TFPT: variants seen among roughly 807,000 people sequenced by gnomAD.
TFPT encodes the protein TCF3 fusion partner.
A neutral mutation model predicts 28.8 loss-of-function variants in TFPT; 27 were observed. The ratio of observed to expected loss-of-function variants is 0.94; its 90% confidence interval spans 0.69 to 1.29. The LOEUF (loss-of-function observed/expected upper bound fraction) is 1.29, where lower values mean the gene tolerates loss of function less well. Among genes scored for constraint, TFPT ranks in the 50% most tolerant of loss-of-function variants. The pLI is 0.00. For missense variants in TFPT, 330 were observed against 338.0 expected (o/e 0.98, Z 0.19); for synonymous variants, 152 against 142.8 (o/e 1.06, Z -0.46).
At position 54,115,619 on chromosome 19, in the gene TFPT, C is replaced by A. The variant is rs45619231; in HGVS notation, c.-350G>T. ...GGGACGTGAGTCCCTTTCCTCCTCGCGGCTTACCGCCTCTCTCCGCCTAGT... is the reference window on the plus strand; with the variant it reads ...GGGACGTGAGTCCCTTTCCTCCTCGAGGCTTACCGCCTCTCTCCGCCTAGT... On this transcript the variant is annotated 5_prime_UTR_variant, in exon 1 of 6. Transcript: ENST00000391759. 2,036 of 428,626 alleles carry A rather than the reference C, an allele frequency of 4.8e-3. 7 individuals carry two copies. Among genetic ancestry groups the A allele is most frequent in the Non-Finnish European group, 6.9e-3 (1,647 of 237,800 alleles). 26.6% of individuals were successfully genotyped at this position (428,626 alleles called of 1,614,324 possible).
chr19:54,113,555 A>G (rs996971767), intron 2 of TFPT, among the ~76,000 whole-genome samples: 8 of 152,236 alleles, frequency 5.3e-5, no homozygotes, highest in African/African-American at 1.9e-4. Flanking sequence ...AGGCATCCAG[A>G]CCTGATGCTG....
In TFPT at chr19:54,108,835, C is replaced by T; in HGVS notation, c.354-440G>A. ...CTTCTCTTTTTTCCCCAGCCCCTGC[C>T]TCCAGAGTTCCTTAAGGTTCAATTG... On this transcript the variant is annotated intron_variant, in intron 3 of 5. Coordinates refer to ENST00000391759, the MANE Select transcript of TFPT (RefSeq NM_013342.4). The T allele has an allele frequency of 8.5e-6, 4 of 467,902 alleles. No individual in the cohort carries two copies. The South Asian group carries it at 1.0e-4, about 12-fold the overall frequency. 29.0% of individuals were successfully genotyped at this position (467,902 alleles called of 1,614,324 possible).
In TFPT at chr19:54,115,455, C is replaced by T; in HGVS notation, c.-186G>A. The T allele has an allele frequency of 1.4e-6, 1 of 709,848 alleles. No individual in the cohort carries two copies. Among genetic ancestry groups the T allele is most frequent in the South Asian group, 1.8e-5 (1 of 56,796 alleles). The allele number at this position is 709,848 out of a possible 1,614,324, so 44.0% of individuals were successfully genotyped here. A position where few individuals can be genotyped will look rare whatever the true frequency, so the allele number is the denominator to read the frequency against. On this transcript the variant is annotated 5_prime_UTR_variant, in exon 1 of 6. Coordinates refer to ENST00000391759, the MANE Select transcript of TFPT (RefSeq NM_013342.4). ...CGCTTCGGCCCACCCCCACGTCCAC[C>T]CCGAATCCCTGCTTAAAGGCCTTGC... is the stretch of plus-strand genomic sequence containing the variant.
At chr19:54,107,544 T>TTTTAATGATAC in intron 5 of TFPT, 1 of 297,488 alleles carries the variant, frequency 3.4e-6, no homozygotes, top group Non-Finnish European at 6.3e-6. Flanking sequence ...CCACTGCACC[T>TTTTAATGATAC]GGCCAGCCTC....
In TFPT at chr19:54,107,280, ACT is replaced by A. The variant is rs1195534939; in HGVS notation, c.643-113_643-112del. The A allele has an allele frequency of 6.1e-5, 88 of 1,453,690 alleles. 1 individual carries two copies. The South Asian group carries it at 1.0e-3, about 17-fold the overall frequency. The allele number at this position is 1,453,690 out of a possible 1,614,324, so 90.0% of individuals were successfully genotyped here. A position where few individuals can be genotyped will look rare whatever the true frequency, so the allele number is the denominator to read the frequency against. On this transcript the variant is annotated intron_variant, in intron 5 of 5. Coordinates refer to ENST00000391759, the MANE Select transcript of TFPT (RefSeq NM_013342.4). ...TTGCTTTTTAAAGAGACAGGGTCTC[ACT>A]CTGTTGCCCAGGCTGGAGTGCAGTG...
rs1356263911 is a variant in TFPT at position 54,108,413 on chromosome 19, C to T, written c.354-18G>A. The T allele has an allele frequency of 1.2e-6, 2 of 1,614,012 alleles. No homozygotes were observed. Among genetic ancestry groups the T allele is most frequent in the Non-Finnish European group, 1.7e-6 (2 of 1,179,956 alleles). On this transcript the variant is annotated intron_variant, in intron 3 of 5. Coordinates refer to ENST00000391759, the MANE Select transcript of TFPT (RefSeq NM_013342.4). ...TGAGGAACCTGCTCAGGGGGAGAAG[C>T]CACCAACGGAATAACTTATCTCCTA...
At chr19:54,108,919 G>A (rs2073364078) in intron 3 of TFPT, 1 of 260,126 alleles carries the variant, frequency 3.8e-6, no homozygotes, top group South Asian at 4.6e-5. Flanking sequence ...TTTTGCGACG[G>A]AATCTCACTC....
intron 1 of TFPT, 103 bp downstream of exon 1, chr19:54,115,144 C>T: frequency 6.4e-7 from 1 of 1,552,466 alleles, no homozygotes; most frequent in Admixed American, 1.7e-5. Context: ...GCATGAACTA[C>T]AACCCCCATC....
intron 2 of TFPT, among the ~76,000 whole-genome samples, chr19:54,112,781 C>T (rs2073490413): frequency 6.6e-6 from 1 of 151,416 alleles, no homozygotes; most frequent in Non-Finnish European, 1.5e-5. Context: ...AAAGTGAGAA[C>T]CTGTCTCAAG....
In TFPT at chr19:54,107,157, C is replaced by T. The variant is rs1167210836; in HGVS notation, c.655G>A (p.Glu219Lys). ...TCATCTGCTTCAAAGCCAAAGTCTT[C>T]CTCAACCTTAATCTGCAGGAGATAA... ...ELAPVQIKVE[E>K]DFGFEADEAL... Residue 219 changes from glutamate to lysine, a missense_variant, in exon 6 of 6, where the codon GAA becomes AAA. By Grantham distance (56) the Glu-to-Lys change is moderately conservative (BLOSUM62 1). Transcript: ENST00000391759. 1.2e-6 allele frequency: 2 copies of T among 1,613,592 alleles called. No individual in the cohort carries two copies. The highest frequency in any genetic ancestry group is 1.3e-5 in the African/African-American group (1 of 74,862).
intron 2 of TFPT, among the ~76,000 whole-genome samples, 181 bp downstream of exon 2, chr19:54,114,261 C>G (rs1484922543): frequency 6.6e-6 from 1 of 152,186 alleles, no homozygotes; most frequent in African/African-American, 2.4e-5. Context: ...GGGAGATGGC[C>G]CTTCCAGGGG....
chr19:54,108,869 C>A (rs1362880349), intron 3 of TFPT: 1 of 377,466 alleles, frequency 2.6e-6, no homozygotes, highest in African/African-American at 2.1e-5. Context: ...TGATGGAATG[C>A]CTCCTCTGCA....
intron 4 of TFPT, 22 bp from the exon 5 acceptor site, chr19:54,108,266 T>C: frequency 6.4e-7 from 1 of 1,573,852 alleles, no homozygotes; most frequent in Non-Finnish European, 8.6e-7. Flanking sequence ...GAGGGGGAGG[T>C]AGGTGATGGG....
intron 2 of TFPT, 83 bp from the exon 3 acceptor site, chr19:54,110,204 A>T: frequency 6.9e-7 from 1 of 1,458,098 alleles, no homozygotes; most frequent in Non-Finnish European, 9.5e-7. Context: ...GCACGCACTA[A>T]ACTCTGGAGA....
chr19:54,109,973 G>T, intron 3 of TFPT, 78 bp downstream of exon 3: 1 of 1,437,238 alleles, frequency 7.0e-7, no homozygotes, highest in Non-Finnish European at 9.7e-7. Flanking sequence ...GGTGGATGTG[G>T]AAGTGGGAGA....
chr19:54,107,517 G>A (rs1051212154), intron 5 of TFPT: 10 of 315,064 alleles, frequency 3.2e-5, no homozygotes, highest in African/African-American at 1.5e-4. Flanking sequence ...CCAAAGTGCC[G>A]GGATTACAGG....
chr19:54,107,600 A>G (rs1484538632), intron 5 of TFPT: 2 of 267,416 alleles, frequency 7.5e-6, no homozygotes. Flanking sequence ...CTTACACCTC[A>G]GAGGCAATCC....
At position 54,115,491 on chromosome 19, in the gene TFPT, A is replaced by T. The variant is rs1349224639; in HGVS notation, c.-222T>A. The T allele has an allele frequency of 1.5e-5, 9 of 612,034 alleles. No homozygotes were observed. Among genetic ancestry groups the T allele is most frequent in the Non-Finnish European group, 2.6e-5 (9 of 348,308 alleles). The allele number at this position is 612,034 out of a possible 1,614,324, so 37.9% of individuals were successfully genotyped here. On this transcript the variant is annotated 5_prime_UTR_variant, in exon 1 of 6. Coordinates refer to ENST00000391759, the MANE Select transcript of TFPT (RefSeq NM_013342.4). ...GCTTAAAGGCCTTGCTTTCTTGTCT[A>T]ACGCCGCAACCAGTCCTCTGAGTTG...
Position 54,107,100 on chromosome 19 carries a change from G to A in TFPT, c.712C>T (p.Pro238Ser). 6.2e-7 allele frequency: 1 copy of A among 1,613,756 alleles called. No homozygotes were observed. Among genetic ancestry groups the A allele is most frequent in the Non-Finnish European group, 8.5e-7 (1 of 1,179,954 alleles). Residue 238 changes from proline to serine, a missense_variant, in exon 6 of 6, where the codon CCA becomes TCA. By Grantham distance (74) the Pro-to-Ser change is moderately conservative. Coordinates refer to ENST00000391759, the MANE Select transcript of TFPT (RefSeq NM_013342.4). ...ALDSSWVSRGPDKLLPYPTLA... is the reference protein window; with the variant it reads ...ALDSSWVSRGSDKLLPYPTLA... ...GTCGGGTAGGGCAGCAGTTTGTCTG[G>A]ACCCCGAGAAACCCAACTGGAATCC...
Sources: gnomAD v4.1 joint callset for allele counts (sites outside exome capture counted in the v4.1 genomes callset) on GRCh38, gnomAD v4.1.1 for gene constraint, MANE v1.5 for transcripts, NCBI Gene and HGNC (gene_info 2026-07-23, HGNC 2026-07-21) for gene names.